The following CAB39L variants were observed in gnomAD, a reference collection of about 807,000 sequenced individuals.
The protein encoded by CAB39L is calcium binding protein 39 like.
A neutral mutation model predicts 39.1 loss-of-function variants in CAB39L; 23 were observed. That is an observed-to-expected ratio of 0.59 (90% CI 0.42 to 0.83). The LOEUF is 0.83. Ranked by LOEUF, CAB39L falls within the 40% of genes least tolerant of loss-of-function variation. The probability of loss-of-function intolerance (pLI) is 0.00; values close to 1 mark genes in which losing one functional copy is unlikely to be tolerated. For missense variants in CAB39L, 366 were observed against 391.9 expected, an observed-to-expected ratio of 0.93 and a Z score of 0.56; for synonymous variants, 126 against 137.2, an observed-to-expected ratio of 0.92 and a Z score of 0.57.
chr13:49,323,691 A>G (rs1048111684), intron 10 of CAB39L, among the ~76,000 whole-genome samples: 1 of 152,222 alleles, frequency 6.6e-6, no homozygotes, highest in Non-Finnish European at 1.5e-5. Context: ...TCTATTTAAC[A>G]TGACGATGCT....
At chr13:49,360,535 G>A (rs1016733271) in intron 5 of CAB39L, among the ~76,000 whole-genome samples, 2 of 152,184 alleles carry the variant, frequency 1.3e-5, no homozygotes, top group Non-Finnish European at 2.9e-5. Context: ...CTTACAACCT[G>A]TCTAGCCTGG....
In CAB39L at chr13:49,382,928, T is replaced by A. The variant is rs776129143; in HGVS notation, c.-18A>T. ...TTTTTCATGTGTAGAAATCTCTTCTTCCAATATGGAATGCTAAAAACAAAT... is the reference window on the plus strand; with the variant it reads ...TTTTTCATGTGTAGAAATCTCTTCTACCAATATGGAATGCTAAAAACAAAT... On this transcript the variant is annotated 5_prime_UTR_variant, in exon 4 of 11. Coordinates refer to ENST00000409308, the MANE Select transcript of CAB39L (RefSeq NM_001079670.3). 4 of 1,435,676 alleles carry A rather than the reference T, an allele frequency of 2.8e-6. No individual in the cohort carries two copies. In the African/African-American group the frequency reaches 5.7e-5, roughly 20 times the overall value. 88.9% of individuals were successfully genotyped at this position (1,435,676 alleles called of 1,614,324 possible).
intron 5 of CAB39L, among the ~76,000 whole-genome samples, chr13:49,365,027 A>G (rs1288966103): frequency 6.6e-6 from 1 of 152,182 alleles, no homozygotes; most frequent in African/African-American, 2.4e-5. Flanking sequence ...AAGAAATCAC[A>G]TGACTTGACT....
chr13:49,327,335 G>A (rs886146652), intron 10 of CAB39L, among the ~76,000 whole-genome samples: 11 of 151,986 alleles, frequency 7.2e-5, no homozygotes, highest in African/African-American at 2.7e-4. Context: ...ACAGAGTCTC[G>A]CTCAGTCACC....
intron 3 of CAB39L, among the ~76,000 whole-genome samples, chr13:49,400,655 T>G (rs555695862): frequency 6.6e-6 from 1 of 152,142 alleles, no homozygotes; most frequent in African/African-American, 2.4e-5. Context: ...CAGTCAACAT[T>G]TAAATTATAT....
At position 49,400,887 on chromosome 13, in the gene CAB39L, A is replaced by T. The variant is rs577400806; in HGVS notation, c.-31-17946T>A. On this transcript the variant is annotated intron_variant, in intron 3 of 10. Transcript: ENST00000409308. ...GTAAATAAAAACCCATTTCCAAAAT[A>T]AGATATTCCATGAACACAGAATAGT... Among the ~76,000 whole-genome samples the T allele has an allele frequency of 7.9e-5, 12 of 152,118 alleles. No homozygotes were observed. The South Asian group carries it at 1.7e-3, about 21-fold the overall frequency.
chr13:49,361,477 CAAAAAAA>C (rs33984866), intron 5 of CAB39L, among the ~76,000 whole-genome samples: 6 of 54,440 alleles, frequency 1.1e-4, no homozygotes, highest in Admixed American at 8.9e-4. Flanking sequence ...GACTTCATCT[CAAAAAAA>C]AAAAAAAAAA....
intron 3 of CAB39L, among the ~76,000 whole-genome samples, chr13:49,431,615 G>C (rs529209301): frequency 5.9e-5 from 9 of 151,974 alleles, no homozygotes; most frequent in African/African-American, 2.2e-4. Flanking sequence ...GCTGTGGCAG[G>C]AGAATTGCTT....
At chr13:49,391,385 G>A (rs951443113) in intron 3 of CAB39L, among the ~76,000 whole-genome samples, 17 of 152,178 alleles carry the variant, frequency 1.1e-4, no homozygotes, top group Non-Finnish European at 1.2e-4. Context: ...AAGCAGTTGA[G>A]CAAAGAAACC....
chr13:49,388,848 C>T (rs1956426412), intron 3 of CAB39L, among the ~76,000 whole-genome samples: 1 of 152,000 alleles, frequency 6.6e-6, no homozygotes, highest in African/African-American at 2.4e-5. Flanking sequence ...AGAAATAACT[C>T]AATCAGAGAA....
intron 5 of CAB39L, among the ~76,000 whole-genome samples, chr13:49,375,566 T>C (rs144276989): frequency 6.6e-6 from 1 of 151,992 alleles, no homozygotes; most frequent in Non-Finnish European, 1.5e-5. Flanking sequence ...AAACACTGCA[T>C]GTTCTCATTC....
At chr13:49,330,050 C>T (rs1291449949) in intron 10 of CAB39L, among the ~76,000 whole-genome samples, 1 of 152,122 alleles carries the variant, frequency 6.6e-6, no homozygotes, top group Non-Finnish European at 1.5e-5. Context: ...CCAGAGATAA[C>T]CTCAAGGTGG....
chr13:49,418,998 T>C (rs1246964165), intron 3 of CAB39L, among the ~76,000 whole-genome samples: 1 of 152,212 alleles, frequency 6.6e-6, no homozygotes, highest in African/African-American at 2.4e-5. Context: ...AGATGGAGTC[T>C]CACTCTGTTG....
At chr13:49,335,559 T>C (rs1177490848) in intron 9 of CAB39L, among the ~76,000 whole-genome samples, 1 of 152,234 alleles carries the variant, frequency 6.6e-6, no homozygotes, top group Non-Finnish European at 1.5e-5. Context: ...ACACATATTT[T>C]ACTTCTTTAA....
intron 6 of CAB39L, 153 bp from the exon 7 acceptor site, chr13:49,351,065 G>C (rs1955334416): frequency 2.1e-6 from 1 of 487,212 alleles, no homozygotes; most frequent in African/African-American, 2.0e-5. Flanking sequence ...TCTACTATGT[G>C]CCTGGCACTA....
At chr13:49,432,218 G>T (rs1957338324) in intron 3 of CAB39L, among the ~76,000 whole-genome samples, 1 of 152,034 alleles carries the variant, frequency 6.6e-6, no homozygotes, top group Non-Finnish European at 1.5e-5. Flanking sequence ...GCAGTGGTGT[G>T]ACCATGGCTC....
intron 7 of CAB39L, among the ~76,000 whole-genome samples, chr13:49,349,159 G>A (rs1449513796): frequency 6.6e-6 from 1 of 152,100 alleles, no homozygotes; most frequent in Non-Finnish European, 1.5e-5. Context: ...CACCTCTGGA[G>A]AGCTATTTAA....
chr13:49,311,011 A>C lies in CAB39L; in HGVS notation c.835-18T>G. 6.2e-7 allele frequency: 1 copy of C among 1,611,326 alleles called. No homozygotes were observed. Among genetic ancestry groups the C allele is most frequent in the Non-Finnish European group, 8.5e-7 (1 of 1,178,288 alleles). ...ACAAACACCTGAAACAAAAAGAAAC[A>C]AATACTTAGGAGTGCAAGCCAGGGA... On this transcript the variant is annotated intron_variant, in intron 10 of 10. Transcript: ENST00000409308.
At chr13:49,328,336 A>G (rs1224172925) in intron 10 of CAB39L, among the ~76,000 whole-genome samples, 1 of 152,230 alleles carries the variant, frequency 6.6e-6, no homozygotes, top group Non-Finnish European at 1.5e-5. Context: ...CATTTCCACA[A>G]TTACAAGTAA....
Sources: gnomAD v4.1 joint callset for allele counts (sites outside exome capture counted in the v4.1 genomes callset) on GRCh38, gnomAD v4.1.1 for gene constraint, MANE v1.5 for transcripts, NCBI Gene and HGNC (gene_info 2026-07-23, HGNC 2026-07-21) for gene names.